Variants in RYR1 observed in about 807,000 individuals in gnomAD.
RYR1 encodes the protein ryanodine receptor 1, also known as central core disease of muscle.
RYR1 carries 342 observed loss-of-function variants against 583.5 expected under a neutral mutation model. That is an observed-to-expected ratio of 0.59 (90% confidence interval 0.54 to 0.64). RYR1 has a LOEUF of 0.64. Ranked by LOEUF, RYR1 falls within the 30% of genes least tolerant of loss-of-function variation. RYR1 has a pLI of 0.00. For synonymous variants in RYR1, 2,791 were observed against 2,822.5 expected (o/e 0.99, Z 0.35); for missense variants, 6,032 against 6,917.2 (o/e 0.87, Z 4.54).
At chr19:38,462,531 G>T (rs879531750) in intron 20 of RYR1, among the ~76,000 whole-genome samples, 2 of 151,716 alleles carry the variant, frequency 1.3e-5, no homozygotes, top group Non-Finnish European at 2.9e-5. Context: ...TCCCGCCCAA[G>T]TCCAAACCAT....
chr19:38,457,988 C>A, intron 17 of RYR1, 63 bp from the exon 18 acceptor site: 1 of 1,572,572 alleles, frequency 6.4e-7, no homozygotes, highest in Non-Finnish European at 8.7e-7. Flanking sequence ...TCTGGCTTCC[C>A]ACCACTTGGC....
chr19:38,465,916 G>T (rs1488666782), intron 23 of RYR1, among the ~76,000 whole-genome samples, 175 bp from the exon 24 acceptor site: 2 of 152,202 alleles, frequency 1.3e-5, no homozygotes, highest in Non-Finnish European at 2.9e-5. Context: ...GGATCCTAGG[G>T]TCAGAAGCCA....
intron 13 of RYR1, among the ~76,000 whole-genome samples, chr19:38,453,400 C>T (rs949980201): frequency 5.3e-5 from 8 of 150,198 alleles, no homozygotes; most frequent in African/African-American, 1.2e-4. Flanking sequence ...GTAGGGCTGC[C>T]GACTCAGCGG....
At chr19:38,477,389 T>C (rs1968786928) in intron 29 of RYR1, among the ~76,000 whole-genome samples, 2 of 152,240 alleles carry the variant, frequency 1.3e-5, no homozygotes, top group African/African-American at 4.8e-5. Context: ...GTGATCCACC[T>C]TCCTCAGCTT....
Position 38,500,356 on chromosome 19 carries a change from G to C in RYR1, c.7324-250G>C, listed in dbSNP as rs1970050997. On this transcript the variant is annotated intron_variant, in intron 45 of 105. Transcript: ENST00000359596. This position sits in a 1 kb window ranked among gnomAD's most constrained non-coding sequence, Gnocchi z 5.9. ...GGGTCAGGATGGGGATGGGGTCACA[G>C]GGATAGGGGTCGGGGCCAGGATGAG... is the stretch of plus-strand genomic sequence containing the variant. Among the ~76,000 whole-genome samples, 1 of 149,078 alleles carries C rather than the reference G, an allele frequency of 6.7e-6. No homozygotes were observed. Among genetic ancestry groups the C allele is most frequent in the Non-Finnish European group, 1.5e-5 (1 of 66,982 alleles).
intron 63 of RYR1, among the ~76,000 whole-genome samples, chr19:38,514,272 T>A (rs1037838422): frequency 7.0e-5 from 10 of 143,728 alleles, no homozygotes; most frequent in East Asian, 2.0e-4. Context: ...TCTAAAAAAA[T>A]TTTTTTTTAA....
At chr19:38,574,475 T>A (rs1973868931) in intron 96 of RYR1, among the ~76,000 whole-genome samples, 1 of 151,114 alleles carries the variant, frequency 6.6e-6, no homozygotes, top group African/African-American at 2.4e-5. Context: ...ACTAAAAAGT[T>A]AGCCAGACAT....
Position 38,494,354 on chromosome 19 carries a change from T to A in RYR1, c.6277T>A (p.Ser2093Thr). 1 of 1,611,314 alleles carries A rather than the reference T, an allele frequency of 6.2e-7. No homozygotes were observed. Among genetic ancestry groups the A allele is most frequent in the Non-Finnish European group, 8.5e-7 (1 of 1,179,868 alleles). The change falls in exon 39 of 106, where the codon TCC becomes ACC. Residue 2093 changes from serine to threonine, a missense_variant and splice_region_variant. Physicochemically the swap from Ser to Thr is moderately conservative, Grantham distance 58. Around this residue, in one of 11 missense-constraint regions of RYR1, gnomAD observed 2,627 missense variants for 2,961.3 expected, o/e 0.89. Transcript: ENST00000359596. ...ERSAEESKPRSLQELVSHMVV... is the reference protein window; with the variant it reads ...ERSAEESKPRTLQELVSHMVV... ...GCCTTGCATTGTCTCCTTCCCAGGGTCCCTGCAGGAGCTGGTGTCCCACAT... is the reference window on the plus strand; with the variant it reads ...GCCTTGCATTGTCTCCTTCCCAGGGACCCTGCAGGAGCTGGTGTCCCACAT...
chr19:38,543,204 T>A lies in RYR1; in HGVS notation c.11690-143T>A. The A allele has an allele frequency of 4.0e-6, 3 of 749,442 alleles. No homozygotes were observed. The highest frequency in any genetic ancestry group is 1.7e-5 in the African/African-American group (1 of 58,048). The allele number at this position is 749,442 out of a possible 1,614,324, so 46.4% of individuals were successfully genotyped here. A position where few individuals can be genotyped will look rare whatever the true frequency, so the allele number is the denominator to read the frequency against. The stretch of plus-strand genomic sequence containing the variant: ...TGTCACATAGTAAGTACTTGATAGT[T>A]ATTAAATAAATTGATGATGATATGC... On this transcript the variant is annotated intron_variant, in intron 84 of 105. Coordinates refer to ENST00000359596, the MANE Select transcript of RYR1 (RefSeq NM_000540.3). The surrounding 1 kb of genome is among the most constrained non-coding windows in gnomAD (Gnocchi z 4.4).
rs1477392994 is a variant in RYR1 at position 38,502,635 on chromosome 19, T to C, written c.7743T>C (p.Ser2581=). ...GTEHRAIMVD[S]MLHTVYRLSR... ...AACACCGCGCCATCATGGTGGACTC[T>C]ATGCTGCATACCGTGTACCGCCTGT... Residue 2581 remains serine, a synonymous_variant, in exon 48 of 106, where the codon TCT becomes TCC. Transcript: ENST00000359596. The C allele has an allele frequency of 2.5e-6, 4 of 1,613,050 alleles. No homozygotes were observed. The highest frequency in any genetic ancestry group is 3.4e-6 in the Non-Finnish European group (4 of 1,179,920).
chr19:38,492,755 G>A (rs927185585), intron 38 of RYR1, 119 bp downstream of exon 38: 1 of 1,078,252 alleles, frequency 9.3e-7, no homozygotes, highest in Non-Finnish European at 1.3e-6. Context: ...AGATAGGCAG[G>A]AGTGAGAGGG....
Position 38,475,298 on chromosome 19 carries a change from G to T in RYR1, c.4161-20G>T. On this transcript the variant is annotated intron_variant, in intron 28 of 105. Coordinates refer to ENST00000359596, the MANE Select transcript of RYR1 (RefSeq NM_000540.3). Reference sequence around the variant, plus strand: ...GGGCTTGAAAGCTGGCTCTCATGGCGCCTCTCCTCCCACTACCAGCTTCTT... The same window carrying T: ...GGGCTTGAAAGCTGGCTCTCATGGCTCCTCTCCTCCCACTACCAGCTTCTT... 6.4e-7 allele frequency: 1 copy of T among 1,561,278 alleles called. No homozygotes were observed. The highest frequency in any genetic ancestry group is 8.7e-7 in the Non-Finnish European group (1 of 1,153,000).
chr19:38,490,376 C>A, intron 36 of RYR1, 100 bp downstream of exon 36: 1 of 1,191,970 alleles, frequency 8.4e-7, no homozygotes, highest in Non-Finnish European at 1.2e-6. Flanking sequence ...TAAACCCGTG[C>A]TTGACCCCTG....
chr19:38,515,623 A>G (rs1348057024), intron 64 of RYR1, among the ~76,000 whole-genome samples: 1 of 152,102 alleles, frequency 6.6e-6, no homozygotes, highest in Non-Finnish European at 1.5e-5. Flanking sequence ...GTGAGACTCC[A>G]TCTCTACAAA....
At chr19:38,544,927 T>C (rs1972357464) in intron 87 of RYR1, among the ~76,000 whole-genome samples, 1 of 152,008 alleles carries the variant, frequency 6.6e-6, no homozygotes, top group Non-Finnish European at 1.5e-5. Context: ...GGGCTTAGAG[T>C]GATGTCAGCA....
At chr19:38,469,278 C>G (rs535899658) in intron 26 of RYR1, 27 bp from the exon 27 acceptor site, 218 of 1,612,830 alleles carry the variant, frequency 1.4e-4, no homozygotes, top group Non-Finnish European at 1.7e-4. Flanking sequence ...CTGCCCTCAC[C>G]CCTGCCCATC....
intron 52 of RYR1, 109 bp downstream of exon 52, chr19:38,505,190 T>G: frequency 8.3e-7 from 1 of 1,198,766 alleles, no homozygotes; most frequent in East Asian, 2.5e-5. Flanking sequence ...CAGCCTTCCC[T>G]AAGACCCTTA....
intron 101 of RYR1, among the ~76,000 whole-genome samples, chr19:38,582,358 C>T (rs1014808268): frequency 1.3e-5 from 2 of 151,750 alleles, no homozygotes; most frequent in African/African-American, 2.4e-5. Context: ...GATTGCGCCA[C>T]TGCACTCCAG....
chr19:38,504,939 A>C, intron 51 of RYR1, 28 bp downstream of exon 51: 1 of 1,613,978 alleles, frequency 6.2e-7, no homozygotes, highest in Non-Finnish European at 8.5e-7. Context: ...GGAGACAGAG[A>C]GGAAGATTTC....
Sources: gnomAD v4.1 joint callset for allele counts (sites outside exome capture counted in the v4.1 genomes callset) on GRCh38, gnomAD v4.1.1 for gene constraint, gnomAD v4.1.1 regional missense constraint, Gnocchi (gnomAD v3.1) non-coding constraint, MANE v1.5 for transcripts, NCBI Gene and HGNC (gene_info 2026-07-23, HGNC 2026-07-21) for gene names.